Variants in IQGAP2 observed in about 807,000 individuals in gnomAD.
IQGAP2 encodes the protein IQ motif containing GTPase activating protein 2, also known as ras GTPase-activating-like protein IQGAP2.
Under a neutral mutation model 201.3 loss-of-function variants are expected in IQGAP2, and 173 were observed. That is an observed-to-expected ratio of 0.86 (90% confidence interval 0.76 to 0.98). IQGAP2 has a LOEUF of 0.98. Ranked by LOEUF, IQGAP2 falls within the 50% of genes least tolerant of loss-of-function variation. The probability of loss-of-function intolerance (pLI) is 0.00; values close to 1 mark genes in which losing one functional copy is unlikely to be tolerated. For missense variants in IQGAP2, 1,687 were observed against 1,864.8 expected (o/e 0.90, Z 1.76); for synonymous variants, 675 against 673.9 (o/e 1.00, Z -0.03).
At position 76,658,648 on chromosome 5, in the gene IQGAP2, A is replaced by C. The variant is rs769572270; in HGVS notation, c.2510A>C (p.Lys837Thr). The change falls in exon 21 of 36, where the codon AAG becomes ACG. Residue 837 changes from lysine (K) to threonine (T), a missense_variant. Physicochemically the swap from Lys to Thr is moderately conservative, Grantham distance 78 (BLOSUM62 -1). Transcript: ENST00000274364. ...LMDIKIGLLV[K>T]NRITLEDVIS... ...GACATCAAGATTGGACTGCTGGTGA[A>C]GAACAGGATCACACTAGAGGTCAGT... 1 of 1,613,848 alleles carries C rather than the reference A, an allele frequency of 6.2e-7. No individual in the cohort carries two copies. Among genetic ancestry groups the C allele is most frequent in the Non-Finnish European group, 8.5e-7 (1 of 1,179,918 alleles).
At chr5:76,602,836 A>G (rs1326217471) in intron 11 of IQGAP2, among the ~76,000 whole-genome samples, 2 of 152,170 alleles carry the variant, frequency 1.3e-5, no homozygotes. Context: ...TCATAGCACA[A>G]GTGTGCTGTG....
At chr5:76,531,083 A>C (rs561057621) in intron 2 of IQGAP2, among the ~76,000 whole-genome samples, 100 of 152,284 alleles carry the variant, frequency 6.6e-4, no homozygotes, top group African/African-American at 2.3e-3. Context: ...ACAGAAATTT[A>C]TTTCTTTCAG....
At position 76,597,443 on chromosome 5, in the gene IQGAP2, G is replaced by T. The variant is rs1338840244; in HGVS notation, c.912G>T (p.Gln304His). ...IQGNINKVNR[Q>H]AAVDHINAVI... The stretch of plus-strand genomic sequence containing the variant: ...AACATGAACCCCCATCCTCAGGGCA[G>T]GCTGCAGTGGACCATATCAATGCTG... The change falls in exon 10 of 36, where the codon CAG (glutamine) becomes CAT (histidine). Residue 304 changes from glutamine (Q) to histidine (H), a missense_variant. Gln to His is a conservative substitution (Grantham distance 24). Coordinates refer to ENST00000274364, the MANE Select transcript of IQGAP2 (RefSeq NM_006633.5). 1.2e-6 allele frequency: 2 copies of T among 1,613,782 alleles called. No individual in the cohort carries two copies. Among genetic ancestry groups the T allele is most frequent in the Non-Finnish European group, 1.7e-6 (2 of 1,179,926 alleles).
chr5:76,427,372 G>C (rs1212197551), intron 1 of IQGAP2, among the ~76,000 whole-genome samples: 1 of 152,120 alleles, frequency 6.6e-6, no homozygotes, highest in Non-Finnish European at 1.5e-5. Context: ...GGTGGGTGGT[G>C]ATTTAAAATG....
At chr5:76,443,033 G>C (rs11743541) in intron 1 of IQGAP2, among the ~76,000 whole-genome samples, 3 of 151,922 alleles carry the variant, frequency 2.0e-5, no homozygotes, top group Non-Finnish European at 2.9e-5. Flanking sequence ...ATATGATACC[G>C]GAATAAAGAC....
chr5:76,613,677 C>T (rs12697854), intron 13 of IQGAP2, among the ~76,000 whole-genome samples: 64,402 of 151,696 alleles, frequency 0.42, 14,638 homozygotes, highest in Non-Finnish European at 0.52. Context: ...AAGTAAGGGG[C>T]GAGTGATGTC....
intron 10 of IQGAP2, among the ~76,000 whole-genome samples, chr5:76,597,954 A>G (rs892277075): frequency 7.2e-5 from 11 of 152,234 alleles, no homozygotes; most frequent in African/African-American, 2.7e-4. Flanking sequence ...TTATGTAGAA[A>G]ATAAGCTCAA....
chr5:76,623,477 A>G lies in IQGAP2; in HGVS notation c.1522-3933A>G, dbSNP rs143464058. ...TGAACGTGTTACGTTATCCCTGGAG[A>G]AAGGCATTTAACTCTTACCCACCCC... On this transcript the variant is annotated intron_variant, in intron 13 of 35. Coordinates refer to ENST00000274364, the MANE Select transcript of IQGAP2 (RefSeq NM_006633.5). 4.3e-4 allele frequency: 216 copies of G among 501,700 alleles called. 1 individual carries two copies. The highest frequency in any genetic ancestry group is 1.1e-3 in the Middle Eastern group (2 of 1,896). The allele number at this position is 501,700 out of a possible 1,614,324, so 31.1% of individuals were successfully genotyped here.
rs376766478 is a variant in IQGAP2, at chr5:76,447,190, A to G, written c.47-14380A>G. ...ACTAGCTGGATTTCCTAGGCCAACT[A>G]AGAATCCCTAGGCCTAGCTGGGAAG... On this transcript the variant is annotated intron_variant, in intron 1 of 35. Coordinates refer to ENST00000274364, the MANE Select transcript of IQGAP2 (RefSeq NM_006633.5). 1.6e-4 allele frequency among the ~76,000 whole-genome samples: 24 copies of G among 152,318 alleles called. No homozygotes were observed. The East Asian group carries it at 3.9e-3, about 25-fold the overall frequency.
At chr5:76,636,955 T>A in intron 15 of IQGAP2, 79 bp from the exon 16 acceptor site, 1 of 1,168,564 alleles carries the variant, frequency 8.6e-7, no homozygotes, top group Non-Finnish European at 1.2e-6. Context: ...TATTCAATTA[T>A]TTTACATATT....
intron 14 of IQGAP2, among the ~76,000 whole-genome samples, chr5:76,631,640 A>G (rs957764455): frequency 6.6e-6 from 1 of 152,166 alleles, no homozygotes; most frequent in Non-Finnish European, 1.5e-5. Context: ...AGGAAAGACT[A>G]TTGTTTTTAA....
At chr5:76,540,804 G>T (rs1036778968) in intron 2 of IQGAP2, among the ~76,000 whole-genome samples, 1 of 152,150 alleles carries the variant, frequency 6.6e-6, no homozygotes, top group South Asian at 2.1e-4. Context: ...AACCATACAT[G>T]ATGGCCCCGG....
In IQGAP2 at chr5:76,701,223, A is replaced by G; in HGVS notation, c.4505+10A>G. 11 of 1,613,706 alleles carry G rather than the reference A, an allele frequency of 6.8e-6. No homozygotes were observed. Among genetic ancestry groups the G allele is most frequent in the Non-Finnish European group, 9.3e-6 (11 of 1,179,630 alleles). ...ATCTTCAAACAAACCAGTAAGTGTG[A>G]CCTGGAATCTGCATAGAACACGCAT... On this transcript the variant is annotated intron_variant, in intron 34 of 35. Coordinates refer to ENST00000274364, the MANE Select transcript of IQGAP2 (RefSeq NM_006633.5).
chr5:76,413,444 C>T (rs1210657364), intron 1 of IQGAP2, among the ~76,000 whole-genome samples: 1 of 152,186 alleles, frequency 6.6e-6, no homozygotes, highest in African/African-American at 2.4e-5. Context: ...GCTGGGATAA[C>T]AGGCGTGGGC....
intron 13 of IQGAP2, among the ~76,000 whole-genome samples, chr5:76,622,084 G>A (rs1203804373): frequency 6.6e-6 from 1 of 152,142 alleles, no homozygotes; most frequent in Non-Finnish European, 1.5e-5. Flanking sequence ...AGGCAGGTTG[G>A]ACAAGCTTGC....
intron 1 of IQGAP2, among the ~76,000 whole-genome samples, chr5:76,414,299 G>A (rs1210154998): frequency 6.6e-6 from 1 of 152,030 alleles, no homozygotes; most frequent in African/African-American, 2.4e-5. Context: ...TAGTCACATA[G>A]TCAGCCTCAT....
chr5:76,683,745 G>A (rs1291500403), intron 29 of IQGAP2, 31 bp from the exon 30 acceptor site: 10 of 1,586,394 alleles, frequency 6.3e-6, no homozygotes, highest in South Asian at 1.2e-5. Flanking sequence ...AGAGTGAATT[G>A]GAAAAATAAC....
At chr5:76,553,929 C>T (rs1041245514) in intron 2 of IQGAP2, among the ~76,000 whole-genome samples, 1 of 152,176 alleles carries the variant, frequency 6.6e-6, no homozygotes, top group Non-Finnish European at 1.5e-5. Context: ...CAAATTTGAA[C>T]ACAGGCTCTT....
chr5:76,490,579 T>C (rs7711417), intron 2 of IQGAP2, among the ~76,000 whole-genome samples: 76,392 of 151,980 alleles, frequency 0.5, 19,606 homozygotes, highest in Middle Eastern at 0.61. Flanking sequence ...ACAATAACTA[T>C]ATAAAACCCT....
Sources: allele counts gnomAD v4.1 joint callset (sites outside exome capture counted in the v4.1 genomes callset), GRCh38; gene constraint gnomAD v4.1.1; transcripts MANE v1.5; gene names NCBI Gene and HGNC (gene_info 2026-07-23, HGNC 2026-07-21).